EPHA10: variants seen among roughly 807,000 people sequenced by gnomAD.
The protein encoded by EPHA10 is ephrin type-A receptor 10.
In EPHA10, 120 loss-of-function variants were observed where a neutral mutation model predicts 109.7. The observed-to-expected ratio is 1.09, with a 90% confidence interval of 0.94 to 1.27. The LOEUF (loss-of-function observed/expected upper bound fraction) is 1.27. Among genes scored for constraint, EPHA10 ranks in the 50% most tolerant of loss-of-function variants. The pLI is 0.00. For synonymous variants in EPHA10, 640 were observed against 618.9 expected (o/e 1.03, Z -0.51); for missense variants, 1,396 against 1,411.1 (o/e 0.99, Z 0.17).
chr1:37,717,882 G>T lies in EPHA10; in HGVS notation c.*490C>A, dbSNP rs985226480. ...TGGATGCACCTCTGGCCCAGCCCCC[G>T]ACGCCTGAGCCACCAGGCAGCTGCA... On this transcript the variant is annotated 3_prime_UTR_variant, in exon 17 of 17. Coordinates refer to ENST00000373048, the MANE Select transcript of EPHA10 (RefSeq NM_001099439.2). 2.5e-5 allele frequency: 6 copies of T among 239,308 alleles called. No homozygotes were observed. Among genetic ancestry groups the T allele is most frequent in the African/African-American group, 1.3e-4 (6 of 45,312 alleles). The allele number at this position is 239,308 out of a possible 1,614,324, so 14.8% of individuals were successfully genotyped here. A position where few individuals can be genotyped will look rare whatever the true frequency, so the allele number is the denominator to read the frequency against.
Position 37,721,716 on chromosome 1 carries a change from G to T in EPHA10, c.2090C>A (p.Thr697Lys). ...GTGGCTATGGTCAAACTGGCCCAGC[G>T]TGAGGGCCTCGGCCAGGAAGCCGAG... ...QRLGFLAEAL[T>K]LGQFDHSHIV... The change falls in exon 11 of 17, where the codon ACG becomes AAG. Residue 697 changes from threonine (T) to lysine (K), a missense_variant. Physicochemically the swap from Thr to Lys is moderately conservative, Grantham distance 78. Coordinates refer to ENST00000373048, the MANE Select transcript of EPHA10 (RefSeq NM_001099439.2). 6.2e-7 allele frequency: 1 copy of T among 1,612,488 alleles called. No homozygotes were observed. Among genetic ancestry groups the T allele is most frequent in the Non-Finnish European group, 8.5e-7 (1 of 1,179,868 alleles).
At chr1:37,753,643 CAAGCGG>C (rs1372961869) in intron 4 of EPHA10, among the ~76,000 whole-genome samples, 1 of 141,774 alleles carries the variant, frequency 7.1e-6, no homozygotes, top group African/African-American at 2.6e-5. Flanking sequence ...GAGCCCGGGG[CAAGCGG>C]GAGCAGGGGC....
intron 6 of EPHA10, among the ~76,000 whole-genome samples, chr1:37,733,790 C>T (rs1646027028): frequency 6.6e-6 from 1 of 152,006 alleles, no homozygotes; most frequent in Admixed American, 6.6e-5. Context: ...CTGAGAGCCC[C>T]CAACACTCTC....
chr1:37,728,032 C>T (rs1444915359), intron 7 of EPHA10, among the ~76,000 whole-genome samples: 1 of 152,160 alleles, frequency 6.6e-6, no homozygotes, highest in East Asian at 1.9e-4. Context: ...CAGAAATGAG[C>T]AGAGCTGAGC....
chr1:37,752,950 A>C lies in EPHA10; in HGVS notation c.1283T>G (p.Leu428Arg). The change falls in exon 5 of 17, where the codon CTC becomes CGC. Residue 428 changes from leucine (L) to arginine (R), a missense_variant. Coordinates refer to ENST00000373048, the MANE Select transcript of EPHA10 (RefSeq NM_001099439.2). ...GARYTVRVAALNGVSGPAAAA... is the reference protein window; with the variant it reads ...GARYTVRVAARNGVSGPAAAA... ...GGCCGCCGGGCCCGAGACGCCGTTG[A>C]GCGCGGCCACGCGCACGGTGTAGCG... is the stretch of plus-strand genomic sequence containing the variant. 1 of 1,297,890 alleles carries C rather than the reference A, an allele frequency of 7.7e-7. No individual in the cohort carries two copies. Among genetic ancestry groups the C allele is most frequent in the South Asian group, 2.2e-5 (1 of 45,070 alleles). 80.4% of individuals were successfully genotyped at this position (1,297,890 alleles called of 1,614,324 possible). A position where few individuals can be genotyped will look rare whatever the true frequency, so the allele number is the denominator to read the frequency against.
chr1:37,725,506 C>CAAAAAAAA (rs536628850), intron 8 of EPHA10, among the ~76,000 whole-genome samples: 2 of 56,414 alleles, frequency 3.5e-5, no homozygotes, highest in Non-Finnish European at 6.5e-5. Context: ...GGCTCCATCT[C>CAAAAAAAA]AAAAAAAAAA....
At chr1:37,734,837 T>C (rs1569689739) in intron 6 of EPHA10, 1 of 339,788 alleles carries the variant, frequency 2.9e-6, no homozygotes, top group East Asian at 8.6e-5. Flanking sequence ...CTGTTAAATA[T>C]CTACCAGCAC....
intron 8 of EPHA10, among the ~76,000 whole-genome samples, chr1:37,724,641 T>C (rs1341215513): frequency 6.6e-6 from 1 of 151,966 alleles, no homozygotes; most frequent in Non-Finnish European, 1.5e-5. Context: ...CACATAAAGG[T>C]ACAAGGATGA....
chr1:37,726,667 G>T (rs1645897198), intron 8 of EPHA10, among the ~76,000 whole-genome samples: 1 of 152,134 alleles, frequency 6.6e-6, no homozygotes, highest in Non-Finnish European at 1.5e-5. Flanking sequence ...TTTATGAAAT[G>T]CCCTCCCTGT....
In EPHA10 at chr1:37,752,911, G is replaced by A; in HGVS notation, c.1322C>T (p.Thr441Ile). The A allele has an allele frequency of 1.5e-6, 2 of 1,314,152 alleles. No individual in the cohort carries two copies. The highest frequency in any genetic ancestry group is 1.9e-6 in the Non-Finnish European group (2 of 1,034,622). The allele number at this position is 1,314,152 out of a possible 1,614,324, so 81.4% of individuals were successfully genotyped here. Residue 441 changes from threonine to isoleucine, a missense_variant, in exon 5 of 17, where the codon ACC (threonine) becomes ATC (isoleucine). Thr to Ile is a moderately conservative substitution (Grantham distance 89, BLOSUM62 -1). Coordinates refer to ENST00000373048, the MANE Select transcript of EPHA10 (RefSeq NM_001099439.2). The stretch of plus-strand genomic sequence containing the variant: ...GGTGGAGACGGTGACCTGCGCGTAG[G>A]TGGTTCCCGCGGCGGCCGCCGGGCC... ...VSGPAAAAGTTYAQVTVSTGP... is the reference protein window; with the variant it reads ...VSGPAAAAGTIYAQVTVSTGP...
downstream of EPHA10, chr1:37,715,937 T>C (rs749512505): frequency 3.5e-6 from 2 of 573,780 alleles, no homozygotes; most frequent in Non-Finnish European, 6.8e-6. Context: ...ACACCAGCTA[T>C]ACAATGATCA....
At chr1:37,722,323 A>G in intron 10 of EPHA10, 1 of 232,294 alleles carries the variant, frequency 4.3e-6, no homozygotes, top group Non-Finnish European at 8.8e-6. Flanking sequence ...GGCATATGCC[A>G]GCACGCCGAC....
At chr1:37,760,594 T>G in intron 3 of EPHA10, 1 of 302,028 alleles carries the variant, frequency 3.3e-6, no homozygotes, top group Non-Finnish European at 5.4e-6. Flanking sequence ...CTCTCTGTAA[T>G]GCAACCAATC....
chr1:37,731,189 C>G (rs886770420), intron 7 of EPHA10, among the ~76,000 whole-genome samples: 5 of 152,200 alleles, frequency 3.3e-5, no homozygotes, highest in Non-Finnish European at 7.3e-5. Context: ...GTGAGCTCCT[C>G]CAGGACAGTT....
chr1:37,721,343 GCATGATCC>G (rs2148309757), intron 11 of EPHA10, among the ~76,000 whole-genome samples: 1 of 150,988 alleles, frequency 6.6e-6, no homozygotes, highest in East Asian at 2.0e-4. Flanking sequence ...CAGGAGAATG[GCATGATCC>G]CAGGAGGCAG....
intron 14 of EPHA10, 73 bp from the exon 15 acceptor site, chr1:37,719,680 GCA>G (rs1384410173): frequency 1.3e-5 from 20 of 1,522,058 alleles, no homozygotes; most frequent in East Asian, 4.5e-5. Context: ...ACACACACAT[GCA>G]CACACACAGA....
chr1:37,748,095 AC>A lies in EPHA10; in HGVS notation c.1357+4780del, dbSNP rs1418448474. Among the ~76,000 whole-genome samples the A allele has an allele frequency of 1.1e-4, 16 of 152,354 alleles. No individual in the cohort carries two copies. In the South Asian group the frequency reaches 2.5e-3, roughly 24 times the overall value. ...ATCAAACCACCAGGTGCAGTGCCTC[AC>A]GCCTGTAATCCCAGCACTTTGGGAA... is the stretch of plus-strand genomic sequence containing the variant. On this transcript the variant is annotated intron_variant, in intron 5 of 16. Transcript: ENST00000373048.
At chr1:37,730,721 T>C (rs1645968299) in intron 7 of EPHA10, among the ~76,000 whole-genome samples, 1 of 152,092 alleles carries the variant, frequency 6.6e-6, no homozygotes, top group African/African-American at 2.4e-5. Flanking sequence ...AGACAGAGTC[T>C]CACTCTGTGA....
intron 11 of EPHA10, 96 bp from the exon 12 acceptor site, chr1:37,720,940 G>T: frequency 8.4e-7 from 1 of 1,184,768 alleles, no homozygotes; most frequent in Non-Finnish European, 1.2e-6. Flanking sequence ...GGCCTCGAGA[G>T]CCAGAACCAG....
Sources: allele counts gnomAD v4.1 joint callset (sites outside exome capture counted in the v4.1 genomes callset), GRCh38; gene constraint gnomAD v4.1.1; transcripts MANE v1.5; gene names NCBI Gene and HGNC (gene_info 2026-07-23, HGNC 2026-07-21).